The following SASH1 variants were observed in gnomAD, a reference collection of about 807,000 sequenced individuals.
SASH1 encodes the protein SAM and SH3 domain containing 1, also known as SAM and SH3 domain-containing protein 1.
In SASH1, 44 loss-of-function variants were observed where a neutral mutation model predicts 125.2. The ratio of observed to expected loss-of-function variants is 0.35; its 90% confidence interval spans 0.28 to 0.45. The LOEUF is 0.45. SASH1 is among the 20% of genes least tolerant of loss of function. The pLI, the probability that SASH1 is intolerant of heterozygous loss-of-function variation, is 1.00. For synonymous variants in SASH1, 639 were observed against 649.1 expected (o/e 0.98, Z 0.24); for missense variants, 1,426 against 1,614.5 (o/e 0.88, Z 2.00).
chr6:148,234,831 A>G, the SASH1 span, among the ~76,000 whole-genome samples: 1 of 148,654 alleles, frequency 6.7e-6, no homozygotes, highest in African/African-American at 2.5e-5. Flanking sequence ...CCGTTTCAGA[A>G]AAAAAAAAAA....
At chr6:148,462,506 T>C (rs1777660309) in intron 4 of SASH1, among the ~76,000 whole-genome samples, 1 of 152,050 alleles carries the variant, frequency 6.6e-6, no homozygotes, top group African/African-American at 2.4e-5. Flanking sequence ...GAAAAATGAG[T>C]TTGAGCCATA....
chr6:148,253,556 C>CA, the SASH1 span, among the ~76,000 whole-genome samples: 1 of 152,106 alleles, frequency 6.6e-6, no homozygotes, highest in African/African-American at 2.4e-5. Flanking sequence ...TTCACTTCAT[C>CA]AAAACTAAAA....
intron 1 of SASH1, among the ~76,000 whole-genome samples, chr6:148,286,827 A>G (rs1582917858): frequency 6.6e-6 from 1 of 152,130 alleles, no homozygotes; most frequent in South Asian, 2.1e-4. Flanking sequence ...ATGGGACACA[A>G]ATCAGCCCAT....
At chr6:148,490,555 A>G (rs141395688) in intron 8 of SASH1, among the ~76,000 whole-genome samples, 2 of 152,310 alleles carry the variant, frequency 1.3e-5, no homozygotes, top group African/African-American at 4.8e-5. Context: ...TGGAGCAGAA[A>G]CAGAAGGAAT....
chr6:148,387,282 T>C (rs1201127244), intron 1 of SASH1, among the ~76,000 whole-genome samples: 2 of 151,840 alleles, frequency 1.3e-5, no homozygotes, highest in Non-Finnish European at 2.9e-5. Context: ...CAAGCCCAGC[T>C]AATTTTTTTG....
chr6:148,429,751 A>G (rs1055701155), intron 2 of SASH1, among the ~76,000 whole-genome samples: 14 of 145,542 alleles, frequency 9.6e-5, no homozygotes, highest in Admixed American at 8.9e-4. Flanking sequence ...TCTTTAAAAA[A>G]AAACAAAAAC....
chr6:148,499,578 G>C (rs934892098), intron 8 of SASH1, among the ~76,000 whole-genome samples: 2 of 152,134 alleles, frequency 1.3e-5, no homozygotes, highest in Admixed American at 6.6e-5. Flanking sequence ...CCTGCCTATT[G>C]TGATAGGTGC....
chr6:148,314,394 C>T (rs907403513), intron 1 of SASH1, among the ~76,000 whole-genome samples: 1 of 152,162 alleles, frequency 6.6e-6, no homozygotes, highest in Admixed American at 6.5e-5. Flanking sequence ...GTATCAGGTT[C>T]CCTTCAATCA....
intron 7 of SASH1, among the ~76,000 whole-genome samples, chr6:148,475,727 A>G (rs908997476): frequency 2.0e-5 from 3 of 152,214 alleles, no homozygotes; most frequent in Non-Finnish European, 4.4e-5. Flanking sequence ...AGTTTAATAT[A>G]CAGTAGTTCC....
chr6:148,534,168 A>G (rs1220651620), intron 15 of SASH1, among the ~76,000 whole-genome samples, 188 bp downstream of exon 15: 1 of 152,206 alleles, frequency 6.6e-6, no homozygotes, highest in African/African-American at 2.4e-5. Flanking sequence ...GTTTTCCAAC[A>G]CTGCCCTTGA....
intron 1 of SASH1, among the ~76,000 whole-genome samples, chr6:148,316,625 C>G (rs913428825): frequency 4.6e-5 from 7 of 152,208 alleles, no homozygotes; most frequent in African/African-American, 7.2e-5. Flanking sequence ...CCATTTTTCT[C>G]CTCCTAGGCA....
chr6:148,327,568 C>T (rs1780864321), intron 1 of SASH1, among the ~76,000 whole-genome samples: 1 of 150,344 alleles, frequency 6.7e-6, no homozygotes, highest in Non-Finnish European at 1.5e-5. Flanking sequence ...CAGGCGTGAG[C>T]CACTGCGCCC....
chr6:148,544,327 A>G lies in SASH1; in HGVS notation c.2857A>G (p.Lys953Glu), dbSNP rs760850476. 1.2e-6 allele frequency: 2 copies of G among 1,614,142 alleles called. No homozygotes were observed. Among genetic ancestry groups the G allele is most frequent in the South Asian group, 2.2e-5 (2 of 91,064 alleles). The change falls in exon 18 of 20, where the codon AAA (lysine) becomes GAA (glutamate). Residue 953 changes from lysine to glutamate, a missense_variant. By Grantham distance (56) the Lys-to-Glu change is moderately conservative. Transcript: ENST00000367467. The surrounding 1 kb of genome is among the most constrained non-coding windows in gnomAD (Gnocchi z 6.4). Reference protein sequence around the residue: ...LARTPLEGHRKGHEFEGTHHP... With the variant: ...LARTPLEGHREGHEFEGTHHP... ...AAGGACGCCTCTGGAGGGCCACAGA[A>G]AAGGACACGAGTTTGAAGGAACACA...
At chr6:148,393,820 C>A in intron 2 of SASH1, 1 of 613,840 alleles carries the variant, frequency 1.6e-6, no homozygotes, top group Non-Finnish European at 2.0e-6. Flanking sequence ...GGAAGCATGA[C>A]TGTTCATTCT....
At chr6:148,456,252 C>T (rs905088410) in intron 4 of SASH1, among the ~76,000 whole-genome samples, 6 of 152,074 alleles carry the variant, frequency 3.9e-5, no homozygotes, top group Non-Finnish European at 8.8e-5. Context: ...CCCCTAGGTT[C>T]TTGCACATTT....
intron 4 of SASH1, among the ~76,000 whole-genome samples, chr6:148,465,505 T>C (rs1670347340): frequency 1.3e-5 from 2 of 148,224 alleles, no homozygotes; most frequent in South Asian, 4.3e-4. Flanking sequence ...ATCGCATCAC[T>C]GTACTCCAGC....
intron 4 of SASH1, among the ~76,000 whole-genome samples, chr6:148,465,924 T>C (rs1375545125): frequency 6.6e-6 from 1 of 152,202 alleles, no homozygotes; most frequent in African/African-American, 2.4e-5. Flanking sequence ...TCATTTCTTA[T>C]GCTTTTTTGT....
upstream of SASH1, among the ~76,000 whole-genome samples, chr6:148,271,219 C>T (rs1345162157): frequency 2.6e-5 from 4 of 152,130 alleles, no homozygotes; most frequent in Non-Finnish European, 1.5e-5. Flanking sequence ...TCATCCACAA[C>T]TCCTAATACC....
At chr6:148,199,127 A>AT in the SASH1 span, among the ~76,000 whole-genome samples, 1 of 152,330 alleles carries the variant, frequency 6.6e-6, no homozygotes, top group Admixed American at 6.5e-5. Flanking sequence ...CACACCTGTA[A>AT]TCCCAGCACT....
Sources: gnomAD v4.1 joint callset for allele counts (sites outside exome capture counted in the v4.1 genomes callset) on GRCh38, gnomAD v4.1.1 for gene constraint, Gnocchi (gnomAD v3.1) non-coding constraint, MANE v1.5 for transcripts, NCBI Gene and HGNC (gene_info 2026-07-23, HGNC 2026-07-21) for gene names.